The following NHSL1 variants were observed in gnomAD, a reference collection of about 807,000 sequenced individuals.
NHSL1 encodes the protein NHS like 1, also known as NHS-like protein 1.
Under a neutral mutation model 95.0 loss-of-function variants are expected in NHSL1, and 48 were observed. That is an observed-to-expected ratio of 0.51 (90% CI 0.40 to 0.64). The LOEUF (loss-of-function observed/expected upper bound fraction) is 0.64. NHSL1 is among the 30% of genes least tolerant of loss of function. NHSL1 has a pLI of 0.00. For missense variants in NHSL1, 1,971 were observed against 2,077.7 expected (o/e 0.95, Z 1.00); for synonymous variants, 783 against 833.9 (o/e 0.94, Z 1.05).
At chr6:138,635,753 C>T (rs1784879281) in intron 1 of NHSL1, among the ~76,000 whole-genome samples, 1 of 151,960 alleles carries the variant, frequency 6.6e-6, no homozygotes, top group South Asian at 2.1e-4. Context: ...CAAAAAACTA[C>T]AGAACAATAT....
At position 138,496,884 on chromosome 6, in the gene NHSL1, A is replaced by G. The variant is rs567195557; in HGVS notation, c.59-513T>C. 2.6e-5 allele frequency among the ~76,000 whole-genome samples: 4 copies of G among 152,366 alleles called. No individual in the cohort carries two copies. The East Asian group carries it at 7.7e-4, about 29-fold the overall frequency. ...GTTATAAACTCAATTACATTTTTAAAAAATTAAGCGTAAACATTCAATTTA... is the reference window on the plus strand; with the variant it reads ...GTTATAAACTCAATTACATTTTTAAGAAATTAAGCGTAAACATTCAATTTA... On this transcript the variant is annotated intron_variant, in intron 1 of 7. Transcript: ENST00000343505.
chr6:138,652,682 A>T (rs1186136147), intron 1 of NHSL1, among the ~76,000 whole-genome samples: 1 of 152,162 alleles, frequency 6.6e-6, no homozygotes, highest in Non-Finnish European at 1.5e-5. Context: ...TTAGATCATC[A>T]CTGTTATTCT....
At chr6:138,686,797 G>T (rs1035368283) in intron 1 of NHSL1, among the ~76,000 whole-genome samples, 17 of 152,154 alleles carry the variant, frequency 1.1e-4, no homozygotes, top group African/African-American at 4.1e-4. Flanking sequence ...CAATTTGCCT[G>T]GCCAAAGGAC....
At chr6:138,543,029 A>T (rs1222328829) in intron 1 of NHSL1, among the ~76,000 whole-genome samples, 1 of 152,200 alleles carries the variant, frequency 6.6e-6, no homozygotes, top group Non-Finnish European at 1.5e-5. Flanking sequence ...CTTCTAAAGC[A>T]TTCGGATTAT....
intron 1 of NHSL1, among the ~76,000 whole-genome samples, chr6:138,638,462 T>C: frequency 6.6e-6 from 1 of 152,182 alleles, no homozygotes. Context: ...CATAAACATA[T>C]ACACTTACTA....
At chr6:138,663,279 G>A (rs540212069) in intron 1 of NHSL1, among the ~76,000 whole-genome samples, 1 of 152,072 alleles carries the variant, frequency 6.6e-6, no homozygotes, top group South Asian at 2.1e-4. Flanking sequence ...AAAAATTCTA[G>A]GCCAGGCGTG....
chr6:138,582,497 T>C (rs1379046158), intron 1 of NHSL1, among the ~76,000 whole-genome samples: 1 of 152,198 alleles, frequency 6.6e-6, no homozygotes, highest in African/African-American at 2.4e-5. Context: ...TCTAGACAGA[T>C]CACTGCTGCC....
chr6:138,546,427 C>CAAAAAAAAAAAAAAAAAAAAAAAAAA (rs1177720465), upstream of NHSL1, among the ~76,000 whole-genome samples: 2 of 50,948 alleles, frequency 3.9e-5, no homozygotes, highest in African/African-American at 1.3e-4. Context: ...CCCATCTCTA[C>CAAAAAAAAAAAAAAAAAAAAAAAAAA]AAAAAAAAAA....
At chr6:138,529,452 G>A (rs543496594) in intron 1 of NHSL1, among the ~76,000 whole-genome samples, 1 of 152,260 alleles carries the variant, frequency 6.6e-6, no homozygotes, top group South Asian at 2.1e-4. Flanking sequence ...GTTATGATGA[G>A]TGCTGTTATA....
At chr6:138,616,650 A>C (rs1784582982) in intron 1 of NHSL1, among the ~76,000 whole-genome samples, 1 of 152,138 alleles carries the variant, frequency 6.6e-6, no homozygotes, top group Non-Finnish European at 1.5e-5. Flanking sequence ...GTGCTCCACC[A>C]AGTCTGGATA....
rs1187391774 is a variant in NHSL1, at chr6:138,430,982, G to A, written c.3363C>T (p.Ser1121=). 1.3e-6 allele frequency: 2 copies of A among 1,552,122 alleles called. No individual in the cohort carries two copies. Among genetic ancestry groups the A allele is most frequent in the South Asian group, 1.2e-5 (1 of 84,060 alleles). Residue 1121 remains serine (S), a synonymous_variant, in exon 6 of 8, where the codon AGC becomes AGT. Coordinates refer to ENST00000343505, the MANE Select transcript of NHSL1 (RefSeq NM_001144060.2). This position sits in a 1 kb window ranked among gnomAD's most constrained non-coding sequence, Gnocchi z 4.7. The stretch of plus-strand genomic sequence containing the variant: ...GGCTTTCACTCTCCATTTCATTTGT[G>A]CTATTTCGGGATTTCAGGAAAGCAG... ...KPSAFLKSRN[S]TNEMESESQP...
upstream of NHSL1, among the ~76,000 whole-genome samples, chr6:138,574,133 G>T (rs1179487204): frequency 2.6e-5 from 4 of 152,004 alleles, no homozygotes; most frequent in Non-Finnish European, 4.4e-5. Flanking sequence ...GGGTTTCACC[G>T]TGTTAGCCAG....
upstream of NHSL1, among the ~76,000 whole-genome samples, chr6:138,501,308 A>G (rs1347843672): frequency 1.3e-5 from 2 of 152,190 alleles, no homozygotes; most frequent in African/African-American, 4.8e-5. Flanking sequence ...ACATCATTGG[A>G]CAAAATAGGT....
intron 1 of NHSL1, among the ~76,000 whole-genome samples, chr6:138,669,431 C>T (rs567503739): frequency 6.6e-6 from 1 of 152,222 alleles, no homozygotes; most frequent in East Asian, 1.9e-4. Flanking sequence ...GCCGAGTTCC[C>T]AAAGTGCAGG....
At chr6:138,533,151 T>C (rs1296052039) in intron 1 of NHSL1, among the ~76,000 whole-genome samples, 5 of 152,102 alleles carry the variant, frequency 3.3e-5, no homozygotes, top group Admixed American at 6.5e-5. Context: ...GGAACAAATG[T>C]AATGGCAATA....
At chr6:138,662,147 A>G (rs868456553) in intron 1 of NHSL1, among the ~76,000 whole-genome samples, 1,604 of 79,636 alleles carry the variant, frequency 0.02, 34 homozygotes, top group African/African-American at 0.057. Context: ...TTTTTTCAGA[A>G]AAAAAAAAAA....
chr6:138,489,837 A>G (rs1428117866), intron 2 of NHSL1, among the ~76,000 whole-genome samples: 36 of 75,938 alleles, frequency 4.7e-4, no homozygotes, highest in African/African-American at 1.8e-3. Context: ...AGAGAGAGAG[A>G]GAGAGAGGGA....
At chr6:138,558,741 A>C (rs1264897588) in intron 1 of NHSL1, among the ~76,000 whole-genome samples, 1 of 152,016 alleles carries the variant, frequency 6.6e-6, no homozygotes, top group African/African-American at 2.4e-5. Context: ...TTTTACAGTA[A>C]CTGTTTCAAA....
intron 3 of NHSL1, among the ~76,000 whole-genome samples, chr6:138,469,493 G>A (rs1336818505): frequency 6.6e-6 from 1 of 152,206 alleles, no homozygotes; most frequent in East Asian, 1.9e-4. Context: ...GGAGGCCAAA[G>A]CAGGCAGACT....
Sources: gnomAD v4.1 joint callset for allele counts (sites outside exome capture counted in the v4.1 genomes callset) on GRCh38, gnomAD v4.1.1 for gene constraint, Gnocchi (gnomAD v3.1) non-coding constraint, MANE v1.5 for transcripts, NCBI Gene and HGNC (gene_info 2026-07-23, HGNC 2026-07-21) for gene names.